AJAP1: variants seen among roughly 807,000 people sequenced by gnomAD.
The protein encoded by AJAP1 is adherens junctions associated protein 1.
In AJAP1, 5 loss-of-function variants were observed where a neutral mutation model predicts 35.0. The observed-to-expected ratio is 0.14, with a 90% CI of 0.07 to 0.30. The LOEUF is 0.30. Among genes scored for constraint, AJAP1 ranks in the 10% least tolerant of loss-of-function variants. AJAP1 has a pLI of 1.00. For missense variants in AJAP1, 586 were observed against 571.0 expected (o/e 1.03, Z -0.27); for synonymous variants, 284 against 249.3 (o/e 1.14, Z -1.31).
intron 1 of AJAP1, among the ~76,000 whole-genome samples, chr1:4,689,378 T>C (rs1287254050): frequency 6.6e-6 from 1 of 152,058 alleles, no homozygotes; most frequent in Non-Finnish European, 1.5e-5. Context: ...GCAAGGAGAG[T>C]GGAGCCTCGC....
chr1:4,756,680 A>G (rs1641439783), intron 2 of AJAP1, among the ~76,000 whole-genome samples: 3 of 152,228 alleles, frequency 2.0e-5, no homozygotes, highest in Admixed American at 2.0e-4. Flanking sequence ...CTGTGCAAGA[A>G]GAGTGCAGAT....
chr1:4,664,114 G>A (rs1176203356), intron 1 of AJAP1, among the ~76,000 whole-genome samples: 1 of 152,118 alleles, frequency 6.6e-6, no homozygotes, highest in Non-Finnish European at 1.5e-5. Context: ...TGCAGAGAAG[G>A]CACAGAGAAC....
At chr1:4,735,766 C>T (rs1457286651) in intron 2 of AJAP1, among the ~76,000 whole-genome samples, 4 of 152,200 alleles carry the variant, frequency 2.6e-5, no homozygotes, top group East Asian at 1.9e-4. Flanking sequence ...GACAAGCTGC[C>T]GCCTCCTCCG....
chr1:4,703,046 G>T (rs897229715), intron 1 of AJAP1, among the ~76,000 whole-genome samples: 2 of 152,144 alleles, frequency 1.3e-5, no homozygotes, highest in South Asian at 2.1e-4. Flanking sequence ...TCGCATGCGC[G>T]CTGGACGTGT....
rs954612239 is a variant in AJAP1 at position 4,787,938 on chromosome 1, A to G, written c.*5453A>G. 2 of 332,150 alleles carry G rather than the reference A, an allele frequency of 6.0e-6. No individual in the cohort carries two copies. Among genetic ancestry groups the G allele is most frequent in the African/African-American group, 4.3e-5 (2 of 45,984 alleles). 20.6% of individuals were successfully genotyped at this position (332,150 alleles called of 1,614,324 possible). A position where few individuals can be genotyped will look rare whatever the true frequency, so the allele number is the denominator to read the frequency against. On this transcript the variant is annotated 3_prime_UTR_variant, in exon 6 of 6. Transcript: ENST00000378191. ...GCTATTCCAAAACATGCCGTGATTC[A>G]TGTAATTTTTGAGTGGTTACTTTGG...
intron 1 of AJAP1, among the ~76,000 whole-genome samples, 184 bp from the exon 2 acceptor site, chr1:4,711,716 C>T (rs753331489): frequency 6.6e-6 from 1 of 152,168 alleles, no homozygotes; most frequent in Non-Finnish European, 1.5e-5. Context: ...TGTTCTTGCA[C>T]GTGAGTGAGC....
intron 2 of AJAP1, among the ~76,000 whole-genome samples, chr1:4,745,823 G>A (rs990299632): frequency 5.9e-5 from 9 of 152,130 alleles, no homozygotes; most frequent in African/African-American, 2.2e-4. Flanking sequence ...TGCTGGGGGC[G>A]AGTCGACTGC....
chr1:4,727,771 G>C (rs1035671490), intron 2 of AJAP1, among the ~76,000 whole-genome samples: 2 of 152,230 alleles, frequency 1.3e-5, no homozygotes, highest in Non-Finnish European at 1.5e-5. Context: ...CATACTGCTG[G>C]CCTGGAGGGG....
At position 4,693,228 on chromosome 1, in the gene AJAP1, C is replaced by A. The variant is rs75056847; in HGVS notation, c.30-18672C>A. Among the ~76,000 whole-genome samples the A allele has an allele frequency of 6.6e-6, 1 of 152,060 alleles. No homozygotes were observed. The highest frequency in any genetic ancestry group is 6.5e-5 in the Admixed American group (1 of 15,274). Reference sequence around the variant, plus strand: ...AAGGCCCACCCGAGTGGGGAGGCGCCCATGGGAACTTTAGACACCAGGCCA... The same window carrying A: ...AAGGCCCACCCGAGTGGGGAGGCGCACATGGGAACTTTAGACACCAGGCCA... On this transcript the variant is annotated intron_variant, in intron 1 of 5. Transcript: ENST00000378191. This position sits in a 1 kb window ranked among gnomAD's most constrained non-coding sequence, Gnocchi z 4.4.
At chr1:4,698,903 C>T (rs1000019613) in intron 1 of AJAP1, among the ~76,000 whole-genome samples, 9 of 152,154 alleles carry the variant, frequency 5.9e-5, no homozygotes, top group East Asian at 1.9e-4. Context: ...GATGGTCCAG[C>T]GGGGAGTGGC....
chr1:4,660,412 C>T (rs909538258), intron 1 of AJAP1, among the ~76,000 whole-genome samples: 1 of 151,868 alleles, frequency 6.6e-6, no homozygotes, highest in Non-Finnish European at 1.5e-5. Context: ...TTGACTATAT[C>T]CGTGTCACAA....
Position 4,788,467 on chromosome 1 carries a change from T to C in AJAP1, c.*5982T>C, listed in dbSNP as rs1385863937. 6.6e-6 allele frequency: 1 copy of C among 151,774 alleles called. No individual in the cohort carries two copies. The highest frequency in any genetic ancestry group is 1.9e-4 in the East Asian group (1 of 5,174). 9.4% of individuals were successfully genotyped at this position (151,774 alleles called of 1,614,324 possible). On this transcript the variant is annotated 3_prime_UTR_variant, in exon 6 of 6. Transcript: ENST00000378191. ...AGCACAAAGTAGCCAATCCCGGGAG[T>C]TTATATGGGCCTCCATGTGACCAAG...
chr1:4,715,944 G>A (rs1345542048), intron 2 of AJAP1, among the ~76,000 whole-genome samples: 3 of 152,250 alleles, frequency 2.0e-5, no homozygotes, highest in East Asian at 3.8e-4. Context: ...TGGAATTGGA[G>A]TTTTAGGAGG....
At chr1:4,725,117 G>A (rs1337349719) in intron 2 of AJAP1, among the ~76,000 whole-genome samples, 2 of 152,226 alleles carry the variant, frequency 1.3e-5, no homozygotes, top group African/African-American at 4.8e-5. Context: ...CGCCAGCTCA[G>A]CCAAGGCTTG....
intron 1 of AJAP1, 122 bp from the exon 2 acceptor site, chr1:4,711,778 A>C (rs1640245653): frequency 1.4e-6 from 1 of 718,092 alleles, no homozygotes; most frequent in African/African-American, 1.9e-5. Context: ...AGTTAGGAGG[A>C]GCTCTTTCCA....
At chr1:4,776,991 G>A (rs1458452116) in intron 5 of AJAP1, among the ~76,000 whole-genome samples, 1 of 152,198 alleles carries the variant, frequency 6.6e-6, no homozygotes, top group Non-Finnish European at 1.5e-5. Context: ...TGGACCAGGA[G>A]GGCTATGCAC....
intron 3 of AJAP1, among the ~76,000 whole-genome samples, chr1:4,771,656 T>C (rs762790036): frequency 1.3e-5 from 2 of 152,144 alleles, no homozygotes; most frequent in African/African-American, 4.8e-5. Context: ...TGGAAACCCC[T>C]GTGGTTCAGA....
At chr1:4,671,368 C>CA (rs35552154) in intron 1 of AJAP1, among the ~76,000 whole-genome samples, 31,829 of 128,444 alleles carry the variant, frequency 0.25, 3,757 homozygotes, top group Admixed American at 0.27. Context: ...GACTCTGCCT[C>CA]AAAAAAAAAA....
intron 1 of AJAP1, among the ~76,000 whole-genome samples, chr1:4,690,413 A>C (rs1419488773): frequency 2.0e-5 from 3 of 152,172 alleles, no homozygotes; most frequent in African/African-American, 4.8e-5. Flanking sequence ...GGCCACTGGC[A>C]GCCCCCACAG....
Sources: gnomAD v4.1 joint callset for allele counts (sites outside exome capture counted in the v4.1 genomes callset) on GRCh38, gnomAD v4.1.1 for gene constraint, Gnocchi (gnomAD v3.1) non-coding constraint, MANE v1.5 for transcripts, NCBI Gene and HGNC (gene_info 2026-07-23, HGNC 2026-07-21) for gene names.